The following MANBA variants were observed in gnomAD, a reference collection of about 807,000 sequenced individuals.
The protein encoded by MANBA is beta-mannosidase.
A neutral mutation model predicts 111.1 loss-of-function variants in MANBA; 83 were observed. The observed-to-expected ratio is 0.75, with a 90% CI of 0.63 to 0.90. The LOEUF is 0.90. Among genes scored for constraint, MANBA ranks in the 40% least tolerant of loss-of-function variants. The pLI is 0.00. For synonymous variants in MANBA, 370 were observed against 378.7 expected, an observed-to-expected ratio of 0.98 and a Z score of 0.27; for missense variants, 1,036 against 1,069.0, an observed-to-expected ratio of 0.97 and a Z score of 0.43.
Position 102,657,681 on chromosome 4 carries a change from C to A in MANBA, c.1704+1G>T, listed in dbSNP as rs767174204. 4.1e-5 allele frequency: 65 copies of A among 1,598,138 alleles called. No homozygotes were observed. The highest frequency in any genetic ancestry group is 5.4e-5 in the Non-Finnish European group (63 of 1,165,666). On this transcript the variant is annotated splice_donor_variant, in intron 12 of 16. Transcript: ENST00000647097. LOFTEE classifies it high-confidence loss of function. ...CATTAGAAAATCAAACGATGACTTA[C>A]CTTTTCTAATGTACTGAAGGACGGC... is the stretch of plus-strand genomic sequence containing the variant.
chr4:102,757,455 T>C (rs956746393), intron 1 of MANBA, among the ~76,000 whole-genome samples: 1 of 152,124 alleles, frequency 6.6e-6, no homozygotes, highest in Non-Finnish European at 1.5e-5. Flanking sequence ...TAGCCAAGAC[T>C]AGCCACAGAA....
At chr4:102,657,952 T>G in intron 11 of MANBA, 52 bp from the exon 12 acceptor site, 1 of 1,292,764 alleles carries the variant, frequency 7.7e-7, no homozygotes, top group Non-Finnish European at 1.1e-6. Context: ...TCCTGTAAAG[T>G]ATGTATCATT....
chr4:102,632,129 G>C lies in MANBA; in HGVS notation c.2568C>G (p.Tyr856Ter). 6.2e-7 allele frequency: 1 copy of C among 1,613,332 alleles called. No homozygotes were observed. Among genetic ancestry groups the C allele is most frequent in the Non-Finnish European group, 8.5e-7 (1 of 1,179,520 alleles). The change falls in exon 17 of 17, where the codon TAC becomes TAG. Residue 856 changes from tyrosine to a stop codon, truncating the protein, a stop_gained. Transcript: ENST00000647097. LOFTEE classifies it high-confidence loss of function. ...MTEKTRTILF[Y>*]PWEPTSKNEL... is the part of the protein sequence containing the mutation. ...CATTCTTGCTGGTGGGCTCCCAAGG[G>C]TAAAATAATATAGTTCGTGTCTTCT...
At chr4:102,729,354 G>A in intron 1 of MANBA, 1 of 762,422 alleles carries the variant, frequency 1.3e-6, no homozygotes, top group Non-Finnish European at 2.4e-6. Flanking sequence ...TGGCCTGGCT[G>A]CAGTTGGCGA....
At chr4:102,720,198 G>A (rs1722508984) in intron 4 of MANBA, among the ~76,000 whole-genome samples, 2 of 152,194 alleles carry the variant, frequency 1.3e-5, no homozygotes, top group African/African-American at 2.4e-5. Flanking sequence ...ACTTTGGGAG[G>A]CCAAGGTGGG....
chr4:102,759,887 T>C (rs528446033), intron 1 of MANBA, among the ~76,000 whole-genome samples: 10 of 152,258 alleles, frequency 6.6e-5, no homozygotes, highest in African/African-American at 1.9e-4. Flanking sequence ...GTTATGAGGA[T>C]TGGACAATGT....
At chr4:102,665,556 G>A (rs966429383) in intron 10 of MANBA, 15 of 152,272 alleles carry the variant, frequency 9.9e-5, no homozygotes, top group African/African-American at 3.6e-4. Context: ...GAAAATTAGA[G>A]AATCTACCTG....
chr4:102,699,189 A>G (rs960633095), intron 5 of MANBA, among the ~76,000 whole-genome samples: 1 of 151,910 alleles, frequency 6.6e-6, no homozygotes, highest in Non-Finnish European at 1.5e-5. Flanking sequence ...AATGCTTGTG[A>G]TTTATATACA....
intron 1 of MANBA, chr4:102,728,128 C>G: frequency 1.9e-6 from 1 of 537,756 alleles, no homozygotes; most frequent in Non-Finnish European, 3.8e-6. Flanking sequence ...CTTGGTTGAA[C>G]GAAGGCTTGG....
At position 102,639,746 on chromosome 4, in the gene MANBA, C is replaced by T. The variant is rs1401403225; in HGVS notation, c.1981G>A (p.Asp661Asn). 2.5e-6 allele frequency: 4 copies of T among 1,614,046 alleles called. No homozygotes were observed. Among genetic ancestry groups the T allele is most frequent in the Non-Finnish European group, 2.5e-6 (3 of 1,180,036 alleles). The stretch of plus-strand genomic sequence containing the variant: ...GCCCAGGAAGGAGCTTGCCAGATGT[C>T]ATTCAACTGCCAATAAAGTGCCCCC... ...TMGALYWQLN[D>N]IWQAPSWASL... Residue 661 changes from aspartate to asparagine, a missense_variant, in exon 14 of 17, where the codon GAC (aspartate) becomes AAC (asparagine). Physicochemically the swap from Asp to Asn is conservative, Grantham distance 23. Coordinates refer to ENST00000647097, the MANE Select transcript of MANBA (RefSeq NM_005908.4).
intron 1 of MANBA, chr4:102,728,657 C>A: frequency 1.8e-6 from 1 of 548,508 alleles, no homozygotes; most frequent in East Asian, 3.6e-5. Flanking sequence ...TAGGGCTGGG[C>A]CTCAGGTGGG....
At chr4:102,700,096 T>C (rs1732947841) in intron 5 of MANBA, among the ~76,000 whole-genome samples, 3 of 148,220 alleles carry the variant, frequency 2.0e-5, no homozygotes, top group Admixed American at 6.7e-5. Context: ...GGAGAGTGTA[T>C]GTGTCGAGGA....
intron 1 of MANBA, chr4:102,728,544 T>A (rs1192543142): frequency 2.6e-6 from 1 of 386,128 alleles, no homozygotes; most frequent in Non-Finnish European, 4.9e-6. Flanking sequence ...GCAGAGGTTT[T>A]ATTTTGGACC....
At chr4:102,672,523 C>T (rs1374971222) in intron 8 of MANBA, among the ~76,000 whole-genome samples, 2 of 151,962 alleles carry the variant, frequency 1.3e-5, no homozygotes, top group East Asian at 1.9e-4. Flanking sequence ...AGGTATATGA[C>T]ATAATGTTAT....
chr4:102,665,176 A>G (rs1249853499), intron 10 of MANBA: 3 of 264,626 alleles, frequency 1.1e-5, no homozygotes, highest in Non-Finnish European at 2.2e-5. Context: ...GATTGCCACA[A>G]AGAAAACTTT....
intron 13 of MANBA, among the ~76,000 whole-genome samples, chr4:102,642,452 A>C (rs1373228851): frequency 6.6e-6 from 1 of 152,120 alleles, no homozygotes; most frequent in Non-Finnish European, 1.5e-5. Context: ...CTAAAAATAC[A>C]AAAAATTAAC....
At chr4:102,728,666 G>T (rs1578944342) in intron 1 of MANBA, 1 of 561,162 alleles carries the variant, frequency 1.8e-6, no homozygotes, top group Non-Finnish European at 3.2e-6. Context: ...GCCTCAGGTG[G>T]GTCTCACGTT....
chr4:102,710,000 A>T (rs934515318), intron 5 of MANBA, among the ~76,000 whole-genome samples: 6 of 152,206 alleles, frequency 3.9e-5, no homozygotes, highest in African/African-American at 1.4e-4. Context: ...TAGTCATAGA[A>T]GGAGCATACC....
chr4:102,722,725 T>C (rs1032660198), intron 4 of MANBA, 146 bp downstream of exon 4: 28 of 779,150 alleles, frequency 3.6e-5, no homozygotes, highest in Admixed American at 2.6e-4. Flanking sequence ...CTTTTGGTTC[T>C]TATTTCAAAT....
Sources: gnomAD v4.1 joint callset for allele counts (sites outside exome capture counted in the v4.1 genomes callset) on GRCh38, gnomAD v4.1.1 for gene constraint, MANE v1.5 for transcripts, NCBI Gene and HGNC (gene_info 2026-07-23, HGNC 2026-07-21) for gene names.